ARHGAP15: variants seen among roughly 807,000 people sequenced by gnomAD.
ARHGAP15 encodes the protein rho GTPase-activating protein 15.
A neutral mutation model predicts 63.7 loss-of-function variants in ARHGAP15; 51 were observed. The ratio of observed to expected loss-of-function variants is 0.80; its 90% CI spans 0.64 to 1.01. The LOEUF is 1.01. Among genes scored for constraint, ARHGAP15 ranks in the 50% least tolerant of loss-of-function variants. The pLI is 0.00. For missense variants in ARHGAP15, 560 were observed against 564.6 expected, an observed-to-expected ratio of 0.99 and a Z score of 0.08; for synonymous variants, 191 against 193.8, an observed-to-expected ratio of 0.99 and a Z score of 0.12.
intron 6 of ARHGAP15, among the ~76,000 whole-genome samples, chr2:143,394,685 A>G (rs1225741630): frequency 2.0e-5 from 3 of 152,170 alleles, no homozygotes; most frequent in Admixed American, 2.0e-4. Context: ...CTTTTTTTAA[A>G]TCCTAGTTGA....
intron 3 of ARHGAP15, among the ~76,000 whole-genome samples, chr2:143,215,738 C>G (rs897686470): frequency 6.6e-5 from 10 of 152,326 alleles, no homozygotes; most frequent in Middle Eastern, 3.4e-3. Flanking sequence ...TCCGCAAACA[C>G]TTCTGCGGAG....
intron 11 of ARHGAP15, chr2:143,608,211 A>G (rs1559078342): frequency 1.3e-5 from 2 of 152,224 alleles, no homozygotes; most frequent in African/African-American, 4.8e-5. Flanking sequence ...TTCGGCCGTT[A>G]AGATTTGCTT....
chr2:143,342,687 CTG>C (rs1271027384), intron 6 of ARHGAP15, among the ~76,000 whole-genome samples: 23 of 152,060 alleles, frequency 1.5e-4, no homozygotes, highest in Admixed American at 1.5e-3. Flanking sequence ...TTTGTTAAGT[CTG>C]TGTGTCAGAA....
At chr2:143,416,134 TAAAAA>T (rs34883043) in intron 6 of ARHGAP15, among the ~76,000 whole-genome samples, 4 of 140,848 alleles carry the variant, frequency 2.8e-5, no homozygotes, top group African/African-American at 5.3e-5. Flanking sequence ...AAATAATAAT[TAAAAA>T]AAAAAAAACC....
At chr2:143,233,347 T>G (rs1329668639) in intron 5 of ARHGAP15, among the ~76,000 whole-genome samples, 1 of 152,098 alleles carries the variant, frequency 6.6e-6, no homozygotes, top group Non-Finnish European at 1.5e-5. Flanking sequence ...TCCCTCATCC[T>G]AGAAATATAT....
chr2:143,352,476 T>C (rs1169300987), intron 6 of ARHGAP15, among the ~76,000 whole-genome samples: 1 of 152,200 alleles, frequency 6.6e-6, no homozygotes, highest in African/African-American at 2.4e-5. Flanking sequence ...AGCATTTTTT[T>C]AGACTAGTAT....
intron 8 of ARHGAP15, among the ~76,000 whole-genome samples, chr2:143,482,210 A>C (rs1342847798): frequency 6.6e-6 from 1 of 152,102 alleles, no homozygotes; most frequent in Non-Finnish European, 1.5e-5. Flanking sequence ...GTTTAAACCC[A>C]TATCTCTTTT....
At chr2:143,381,128 G>A (rs906137104) in intron 6 of ARHGAP15, among the ~76,000 whole-genome samples, 7 of 152,090 alleles carry the variant, frequency 4.6e-5, no homozygotes, top group Non-Finnish European at 7.4e-5. Flanking sequence ...GTCTAGTTGC[G>A]TGTATTTAAA....
intron 6 of ARHGAP15, among the ~76,000 whole-genome samples, chr2:143,275,920 A>ACAG (rs1396996158): frequency 9.8e-5 from 15 of 152,324 alleles, no homozygotes; most frequent in Middle Eastern, 3.4e-3. Flanking sequence ...GGCTATCTGA[A>ACAG]CAGGTAGGGC....
At chr2:143,381,769 G>A (rs1365254126) in intron 6 of ARHGAP15, among the ~76,000 whole-genome samples, 1 of 151,978 alleles carries the variant, frequency 6.6e-6, no homozygotes, top group Non-Finnish European at 1.5e-5. Flanking sequence ...ACCTCACAAA[G>A]TTTTTCTAAC....
chr2:143,153,815 CTTCTTCTTCTTCT>C (rs1558779232), intron 1 of ARHGAP15, among the ~76,000 whole-genome samples: 129 of 80,052 alleles, frequency 1.6e-3, no homozygotes, highest in Non-Finnish European at 2.2e-3. Flanking sequence ...TCTTCTTCTT[CTTCTTCTTCTTCT>C]TCTTCTTCTT....
chr2:143,134,729 G>A (rs1191668795), intron 1 of ARHGAP15, among the ~76,000 whole-genome samples: 6 of 151,230 alleles, frequency 4.0e-5, no homozygotes, highest in African/African-American at 1.2e-4. Context: ...CGGCCTCCCG[G>A]GTTCATGCCA....
intron 1 of ARHGAP15, among the ~76,000 whole-genome samples, chr2:143,145,168 C>T (rs1689530150): frequency 6.6e-6 from 1 of 152,032 alleles, no homozygotes; most frequent in Non-Finnish European, 1.5e-5. Context: ...CCCTTACTCT[C>T]AGGTGAAACA....
chr2:143,671,931 G>A lies in ARHGAP15; in HGVS notation c.1139-31488G>A, dbSNP rs193247624. Among the ~76,000 whole-genome samples, 488 of 152,212 alleles carry A rather than the reference G, an allele frequency of 3.2e-3. 1 individual carries two copies. Among genetic ancestry groups the A allele is most frequent in the Admixed American group, 6.0e-3 (92 of 15,292 alleles). The stretch of plus-strand genomic sequence containing the variant: ...CTGCACTATCCTCTTATAAGCTGAA[G>A]ATAAGAGAATTGTCATTCTTGATCT... On this transcript the variant is annotated intron_variant, in intron 12 of 13. Transcript: ENST00000295095.
At chr2:143,680,680 G>C (rs547133555) in intron 12 of ARHGAP15, among the ~76,000 whole-genome samples, 3 of 152,216 alleles carry the variant, frequency 2.0e-5, no homozygotes, top group African/African-American at 4.8e-5. Flanking sequence ...TCACCAGAGA[G>C]ACACGTTCTA....
At chr2:143,213,595 T>C (rs1449080692) in intron 3 of ARHGAP15, among the ~76,000 whole-genome samples, 1 of 152,196 alleles carries the variant, frequency 6.6e-6, no homozygotes, top group African/African-American at 2.4e-5. Context: ...TGGTAGGACA[T>C]AGATATACTA....
At chr2:143,307,806 T>C (rs1683244456) in intron 6 of ARHGAP15, among the ~76,000 whole-genome samples, 1 of 152,090 alleles carries the variant, frequency 6.6e-6, no homozygotes. Context: ...TAATTTGAAA[T>C]ATTTTCTTTT....
chr2:143,366,915 C>T (rs1686318962), intron 6 of ARHGAP15, among the ~76,000 whole-genome samples: 1 of 152,022 alleles, frequency 6.6e-6, no homozygotes, highest in Non-Finnish European at 1.5e-5. Flanking sequence ...TTTAACTTGA[C>T]TCTGCTATCT....
intron 1 of ARHGAP15, among the ~76,000 whole-genome samples, chr2:143,153,193 T>C (rs529390881): frequency 3.2e-4 from 49 of 152,074 alleles, no homozygotes; most frequent in Non-Finnish European, 4.6e-4. Context: ...CGTGGCTAGA[T>C]GCTCTTGGCC....
Sources: gnomAD v4.1 joint callset for allele counts (sites outside exome capture counted in the v4.1 genomes callset) on GRCh38, gnomAD v4.1.1 for gene constraint, MANE v1.5 for transcripts, NCBI Gene and HGNC (gene_info 2026-07-23, HGNC 2026-07-21) for gene names.